Variants in GARNL3 observed in about 807,000 individuals in gnomAD.
The protein encoded by GARNL3 is GTPase activating Rap/RanGAP domain like 3.
Under a neutral mutation model 125.0 loss-of-function variants are expected in GARNL3, and 63 were observed. The ratio of observed to expected loss-of-function variants is 0.50; its 90% confidence interval spans 0.41 to 0.62. The LOEUF (loss-of-function observed/expected upper bound fraction) is 0.62, where lower values mean the gene tolerates loss of function less well. Ranked by LOEUF, GARNL3 falls within the 20% of genes least tolerant of loss-of-function variation. The pLI is 0.00. For missense variants in GARNL3, 994 were observed against 1,244.0 expected (o/e 0.80, Z 3.02); for synonymous variants, 439 against 457.5 (o/e 0.96, Z 0.52).
At chr9:127,303,568 CCTA>C (rs1415656390) in intron 2 of GARNL3, among the ~76,000 whole-genome samples, 2 of 152,048 alleles carry the variant, frequency 1.3e-5, no homozygotes, top group African/African-American at 4.8e-5. Context: ...ATCCATTTTC[CCTA>C]CTGCCATGTT....
chr9:127,227,039 A>C (rs1368261230), intron 1 of GARNL3, among the ~76,000 whole-genome samples: 2 of 152,244 alleles, frequency 1.3e-5, no homozygotes, highest in East Asian at 3.8e-4. Context: ...TGGCTAGTTG[A>C]GCTAAGGAAC....
At position 127,390,784 on chromosome 9, in the gene GARNL3, GC is replaced by G; in HGVS notation, c.2870+21del. Reference sequence around the variant, plus strand: ...CAGTGACAGGTAAAGAGAGGGAGAGGCCCCTGCTTGGGGTGGTGGACCTATG... The same window carrying G: ...CAGTGACAGGTAAAGAGAGGGAGAGGCCCTGCTTGGGGTGGTGGACCTATG... On this transcript the variant is annotated intron_variant, in intron 27 of 27. Transcript: ENST00000373387. The G allele has an allele frequency of 6.2e-7, 1 of 1,609,760 alleles. No individual in the cohort carries two copies. The highest frequency in any genetic ancestry group is 2.2e-5 in the East Asian group (1 of 44,774).
intron 22 of GARNL3, 68 bp downstream of exon 22, chr9:127,365,434 T>A: frequency 8.2e-7 from 1 of 1,213,536 alleles, no homozygotes; most frequent in Non-Finnish European, 1.2e-6. Flanking sequence ...CTGGGCAATT[T>A]AAAAAGATTG....
At chr9:127,283,853 G>A (rs2064167168) in intron 1 of GARNL3, among the ~76,000 whole-genome samples, 2 of 152,168 alleles carry the variant, frequency 1.3e-5, no homozygotes, top group Admixed American at 1.3e-4. Flanking sequence ...CCTGGACACG[G>A]TCTTCCTCAG....
rs771130150 is a variant in GARNL3, at chr9:127,320,778, G to A, written c.567G>A (p.Lys189=). The change falls in exon 6 of 28, where the codon AAG becomes AAA. Residue 189 remains lysine (K), a splice_region_variant and synonymous_variant. Coordinates refer to ENST00000373387, the MANE Select transcript of GARNL3 (RefSeq NM_032293.5). ...PREIFHPEIQ[K]DLLVLEEQEG... ...AAATTTTTCATCCTGAAATACAAAA[G>A]GTAACAGAAAATTTTATGCTTCATA... The A allele has an allele frequency of 1.3e-6, 2 of 1,595,378 alleles. No homozygotes were observed. The highest frequency in any genetic ancestry group is 2.2e-5 in the East Asian group (1 of 44,712).
chr9:127,231,636 C>T (rs2063021382), intron 1 of GARNL3, among the ~76,000 whole-genome samples: 1 of 152,202 alleles, frequency 6.6e-6, no homozygotes, highest in Admixed American at 6.5e-5. Flanking sequence ...AGGTCAACTG[C>T]TCAGACATTG....
intron 22 of GARNL3, among the ~76,000 whole-genome samples, chr9:127,370,993 G>C (rs563490176): frequency 6.6e-6 from 1 of 152,104 alleles, no homozygotes; most frequent in Non-Finnish European, 1.5e-5. Context: ...CCCTGAACTC[G>C]AGATCTTTCC....
At chr9:127,386,076 G>A (rs1326723969) in intron 24 of GARNL3, among the ~76,000 whole-genome samples, 2 of 152,124 alleles carry the variant, frequency 1.3e-5, no homozygotes, top group Admixed American at 1.3e-4. Context: ...TAGCCAATTG[G>A]TTCTTACAAA....
intron 17 of GARNL3, 24 bp from the exon 18 acceptor site, chr9:127,353,822 G>A: frequency 1.3e-6 from 2 of 1,536,696 alleles, no homozygotes; most frequent in Non-Finnish European, 1.8e-6. Flanking sequence ...TTGCAGTGAT[G>A]GGTAACCAGG....
rs771513098 is a variant in GARNL3 at position 127,387,268 on chromosome 9, C to T, written c.2464C>T (p.Arg822Ter). Residue 822 changes from arginine to a stop codon, truncating the protein, a stop_gained, in exon 25 of 28, where the codon CGA (arginine) becomes TGA (stop). Transcript: ENST00000373387. LOFTEE classifies it high-confidence loss of function. ...AGGCAGCTCCAAGGGGGCCAGTGCCCGAAATTCTCCTCAGACACCCCCGGG... is the reference window on the plus strand; with the variant it reads ...AGGCAGCTCCAAGGGGGCCAGTGCCTGAAATTCTCCTCAGACACCCCCGGG... The part of the protein sequence containing the change: ...SGGSSKGASA[R>*]NSPQTPPGRD... 4 of 1,614,110 alleles carry T rather than the reference C, an allele frequency of 2.5e-6. No homozygotes were observed. The highest frequency in any genetic ancestry group is 1.1e-5 in the South Asian group (1 of 91,078).
intron 2 of GARNL3, among the ~76,000 whole-genome samples, chr9:127,293,646 G>A (rs1036932885): frequency 6.6e-6 from 1 of 151,916 alleles, no homozygotes; most frequent in Non-Finnish European, 1.5e-5. Context: ...ATCTGCGACC[G>A]AGAATTCCAA....
intron 26 of GARNL3, among the ~76,000 whole-genome samples, chr9:127,390,239 C>T (rs533796314): frequency 6.6e-6 from 1 of 152,178 alleles, no homozygotes; most frequent in Non-Finnish European, 1.5e-5. Flanking sequence ...AAGTTGGTGC[C>T]TTCTACTGTG....
At chr9:127,272,662 T>C (rs2063852103) in intron 1 of GARNL3, among the ~76,000 whole-genome samples, 1 of 152,134 alleles carries the variant, frequency 6.6e-6, no homozygotes. Context: ...GTATTTTTAG[T>C]AGAGACAGGT....
At chr9:127,391,533 A>AATATATATATATATAT (rs1554741684) in intron 27 of GARNL3, among the ~76,000 whole-genome samples, 5 of 75,840 alleles carry the variant, frequency 6.6e-5, no homozygotes, top group Non-Finnish European at 9.5e-5. Context: ...ACAAAAAAAA[A>AATATATATATATATAT]ATATATATAT....
intron 17 of GARNL3, chr9:127,353,384 A>G (rs998872221): frequency 5.2e-5 from 8 of 154,300 alleles, no homozygotes; most frequent in Admixed American, 2.0e-4. Flanking sequence ...GGAAATTTTA[A>G]TTTTGCTTTC....
rs747447227 is a variant in GARNL3 at position 127,348,651 on chromosome 9, G to A, written c.1432-273G>A. On this transcript the variant is annotated intron_variant, in intron 16 of 27. Transcript: ENST00000373387. ...CTTCCTTAGAAACCATTACGAATGC[G>A]TCAATTGCCTCTGAAAAACATTATA... 1.9e-4 allele frequency among the ~76,000 whole-genome samples: 29 copies of A among 152,196 alleles called. 1 individual carries two copies. Among genetic ancestry groups the A allele is most frequent in the South Asian group, 2.1e-4 (1 of 4,824 alleles).
Position 127,338,078 on chromosome 9 carries a change from A to G in GARNL3, c.983-38A>G, listed in dbSNP as rs756949325. 13 of 1,495,928 alleles carry G rather than the reference A, an allele frequency of 8.7e-6. No homozygotes were observed. The East Asian group carries it at 1.8e-4, about 21-fold the overall frequency. The allele number at this position is 1,495,928 out of a possible 1,614,324, so 92.7% of individuals were successfully genotyped here. ...AGAGCGCAAGCTGTCAGTCGTGAGC[A>G]TCAGTGTTGTGATTAGTTCCCTTAA... On this transcript the variant is annotated intron_variant, in intron 11 of 27. Transcript: ENST00000373387.
intron 1 of GARNL3, among the ~76,000 whole-genome samples, chr9:127,227,478 G>T (rs1441841647): frequency 6.6e-6 from 1 of 152,184 alleles, no homozygotes; most frequent in Admixed American, 6.5e-5. Context: ...GTAGGCGCCT[G>T]TAATCCCAAC....
intron 19 of GARNL3, among the ~76,000 whole-genome samples, chr9:127,354,939 C>T (rs768507077): frequency 2.6e-5 from 4 of 152,182 alleles, no homozygotes; most frequent in Non-Finnish European, 5.9e-5. Flanking sequence ...ATTACAGGTG[C>T]CCGCCAGCAT....
Sources: gnomAD v4.1 joint callset for allele counts (sites outside exome capture counted in the v4.1 genomes callset) on GRCh38, gnomAD v4.1.1 for gene constraint, MANE v1.5 for transcripts, NCBI Gene and HGNC (gene_info 2026-07-23, HGNC 2026-07-21) for gene names.